The following HADHA variants were observed in gnomAD, a reference collection of about 807,000 sequenced individuals.
The protein encoded by HADHA is hydroxyacyl-CoA dehydrogenase trifunctional multienzyme complex subunit alpha.
In HADHA, 59 loss-of-function variants were observed where a neutral mutation model predicts 91.3. The ratio of observed to expected loss-of-function variants is 0.65; its 90% CI spans 0.52 to 0.80. HADHA has a LOEUF of 0.80. Among genes scored for constraint, HADHA ranks in the 30% least tolerant of loss-of-function variants. The pLI is 0.00. For missense variants in HADHA, 800 were observed against 927.6 expected (o/e 0.86, Z 1.79); for synonymous variants, 320 against 338.9 (o/e 0.94, Z 0.61).
At position 26,214,859 on chromosome 2, in the gene HADHA, GA is replaced by G. The variant is rs946579715; in HGVS notation, c.799+193del. On this transcript the variant is annotated intron_variant, in intron 8 of 19. Coordinates refer to ENST00000380649, the MANE Select transcript of HADHA (RefSeq NM_000182.5). This position sits in a 1 kb window ranked among gnomAD's most constrained non-coding sequence, Gnocchi z 4.1. ...TCTATGACTCAAGGGTCATCATAAG[GA>G]AAAAAAAGGTTTTAAAAATTGGCTT... 6.6e-6 allele frequency among the ~76,000 whole-genome samples: 1 copy of G among 151,790 alleles called. No individual in the cohort carries two copies. The highest frequency in any genetic ancestry group is 1.9e-4 in the East Asian group (1 of 5,158).
Position 26,192,410 on chromosome 2 carries a change from T to C in HADHA, c.1900A>G (p.Lys634Glu), listed in dbSNP as rs1669535160. 8.8e-6 allele frequency: 14 copies of C among 1,584,806 alleles called. No homozygotes were observed. The highest frequency in any genetic ancestry group is 1.2e-5 in the Non-Finnish European group (14 of 1,153,246). ...CCCTCCTGATAGATGTAAAAGCCCTTCCCAGATTTACGACCTAAAACAGGC... is the reference window on the plus strand; with the variant it reads ...CCCTCCTGATAGATGTAAAAGCCCTCCCCAGATTTACGACCTAAAACAGGC... ...SKGFLGRKSG[K>E]GFYIYQEGVK... Residue 634 changes from lysine to glutamate, a missense_variant, in exon 18 of 20, where the codon AAG becomes GAG. Coordinates refer to ENST00000380649, the MANE Select transcript of HADHA (RefSeq NM_000182.5).
chr2:26,201,238 A>C lies in HADHA; in HGVS notation c.1303T>G (p.Tyr435Asp). ...ATGTCGGCCTTTTCAAAACCTTGGT[A>C]ATCAAGCTGCCCAGTCAAGTTGCTG... ...IFSNLTGQLDYQGFEKADMVI... is the reference protein window; with the variant it reads ...IFSNLTGQLDDQGFEKADMVI... Residue 435 changes from tyrosine to aspartate, a missense_variant, in exon 13 of 20, where the codon TAC (tyrosine) becomes GAC (aspartate). Transcript: ENST00000380649. 1 of 1,612,690 alleles carries C rather than the reference A, an allele frequency of 6.2e-7. No individual in the cohort carries two copies.
intron 7 of HADHA, among the ~76,000 whole-genome samples, chr2:26,219,006 CAAAA>C (rs371567909): frequency 4.9e-5 from 5 of 102,730 alleles, no homozygotes; most frequent in Admixed American, 1.1e-4. Flanking sequence ...GACTCCGTCT[CAAAA>C]AAAAAAAAAA....
chr2:26,216,990 G>C lies in HADHA; in HGVS notation c.677-1815C>G, dbSNP rs577768892. ...AGATTCAGAAATGAAAAAAATGATA[G>C]AAGGAGCAGACGTGATGTTCAAGAC... On this transcript the variant is annotated intron_variant, in intron 7 of 19. Transcript: ENST00000380649. 3.9e-5 allele frequency among the ~76,000 whole-genome samples: 6 copies of C among 152,288 alleles called. No homozygotes were observed. The South Asian group carries it at 1.2e-3, about 32-fold the overall frequency.
intron 7 of HADHA, 32 bp downstream of exon 7, chr2:26,230,160 A>G (rs1402112690): frequency 7.7e-7 from 1 of 1,296,258 alleles, no homozygotes; most frequent in Non-Finnish European, 1.1e-6. Context: ...GTAACTTTAT[A>G]AGGTCTGACT....
At chr2:26,238,102 G>A (rs1460169788) in intron 3 of HADHA, among the ~76,000 whole-genome samples, 1 of 152,160 alleles carries the variant, frequency 6.6e-6, no homozygotes, top group African/African-American at 2.4e-5. Context: ...TGAATTCCTA[G>A]GCTTAAGTGA....
chr2:26,244,610 G>A lies in HADHA; in HGVS notation c.-14C>T, dbSNP rs1310208711. ...GCAGGCCACCATCTTGAGCTGAAGA[G>A]GACAGCAGTGGAGAGCGCCTCTAAC... On this transcript the variant is annotated 5_prime_UTR_variant, in exon 1 of 20. Transcript: ENST00000380649. 1.9e-6 allele frequency: 3 copies of A among 1,569,198 alleles called. No individual in the cohort carries two copies. The highest frequency in any genetic ancestry group is 2.6e-6 in the Non-Finnish European group (3 of 1,156,598).
intron 1 of HADHA, chr2:26,243,060 TTTA>T (rs1352584798): frequency 6.6e-6 from 1 of 152,262 alleles, no homozygotes; most frequent in African/African-American, 2.4e-5. Flanking sequence ...CCAAACAATG[TTTA>T]TTAATTGCTC....
At chr2:26,233,506 T>C (rs1227072767) in intron 5 of HADHA, among the ~76,000 whole-genome samples, 1 of 152,216 alleles carries the variant, frequency 6.6e-6, no homozygotes, top group Non-Finnish European at 1.5e-5. Flanking sequence ...TCGGGTCTAG[T>C]AAGCATCTCT....
At chr2:26,207,314 AG>A in intron 11 of HADHA, among the ~76,000 whole-genome samples, 1 of 150,302 alleles carries the variant, frequency 6.7e-6, no homozygotes, top group Non-Finnish European at 1.5e-5. Flanking sequence ...TGCATTATTT[AG>A]TAGGTTTTTT....
At chr2:26,206,600 C>T (rs1023344095) in intron 11 of HADHA, among the ~76,000 whole-genome samples, 2 of 152,144 alleles carry the variant, frequency 1.3e-5, no homozygotes, top group Non-Finnish European at 2.9e-5. Flanking sequence ...TATACTTTGT[C>T]CTACTTTTGG....
intron 12 of HADHA, among the ~76,000 whole-genome samples, chr2:26,202,926 T>C (rs147333421): frequency 3.9e-5 from 6 of 152,340 alleles, no homozygotes; most frequent in Admixed American, 2.6e-4. Flanking sequence ...AAGTCAGCAG[T>C]GTGGTGAGCG....
chr2:26,232,145 G>A lies in HADHA; in HGVS notation c.573+15C>T, dbSNP rs776545416. On this transcript the variant is annotated intron_variant, in intron 6 of 19. Transcript: ENST00000380649. ...AAGAGGGCATATAGCTTCACAAAGG[G>A]GATGTTAGACTCACCATTTTGGGCA... 10 of 1,599,346 alleles carry A rather than the reference G, an allele frequency of 6.3e-6. No homozygotes were observed. The highest frequency in any genetic ancestry group is 8.6e-6 in the Non-Finnish European group (10 of 1,166,650).
chr2:26,196,433 T>TG (rs1669674897), intron 14 of HADHA, among the ~76,000 whole-genome samples: 1 of 152,226 alleles, frequency 6.6e-6, no homozygotes, highest in African/African-American at 2.4e-5. Flanking sequence ...GCACAGATCT[T>TG]GAAGTGTTCA....
At chr2:26,218,593 A>C (rs1670295325) in intron 7 of HADHA, among the ~76,000 whole-genome samples, 1 of 152,228 alleles carries the variant, frequency 6.6e-6, no homozygotes, top group East Asian at 1.9e-4. Context: ...CAAATATACC[A>C]ATATATACAA....
At chr2:26,233,786 T>C (rs902712722) in intron 5 of HADHA, among the ~76,000 whole-genome samples, 1 of 152,184 alleles carries the variant, frequency 6.6e-6, no homozygotes, top group African/African-American at 2.4e-5. Flanking sequence ...GTTTGATAAC[T>C]AAAAACAAAG....
At chr2:26,198,381 T>G (rs57235487) in intron 13 of HADHA, among the ~76,000 whole-genome samples, 2,613 of 142,414 alleles carry the variant, frequency 0.018, 91 homozygotes, top group African/African-American at 0.063. Flanking sequence ...TTTTTTTTTG[T>G]TTTTTTTTTT....
intron 7 of HADHA, among the ~76,000 whole-genome samples, chr2:26,228,747 C>T (rs1463302104): frequency 6.6e-6 from 1 of 152,186 alleles, no homozygotes; most frequent in African/African-American, 2.4e-5. Flanking sequence ...TCATAGCTCA[C>T]TACAGCCTTG....
intron 18 of HADHA, among the ~76,000 whole-genome samples, chr2:26,192,008 G>A (rs1000297620): frequency 6.6e-6 from 1 of 152,276 alleles, no homozygotes; most frequent in South Asian, 2.1e-4. Context: ...GCAGGGGAGG[G>A]CCTTCACCAG....
Sources: gnomAD v4.1 joint callset for allele counts (sites outside exome capture counted in the v4.1 genomes callset) on GRCh38, gnomAD v4.1.1 for gene constraint, Gnocchi (gnomAD v3.1) non-coding constraint, MANE v1.5 for transcripts, NCBI Gene and HGNC (gene_info 2026-07-23, HGNC 2026-07-21) for gene names.